Variants in SP140 observed in about 807,000 individuals in gnomAD.
SP140 encodes nuclear body protein SP140.
A neutral mutation model predicts 125.0 loss-of-function variants in SP140; 81 were observed. The observed-to-expected ratio is 0.65, with a 90% CI of 0.54 to 0.78. SP140 has a LOEUF of 0.78. SP140 is among the 30% of genes least tolerant of loss of function. The pLI is 0.00. For synonymous variants in SP140, 312 were observed against 354.0 expected, an observed-to-expected ratio of 0.88 and a Z score of 1.33; for missense variants, 858 against 1,037.0, an observed-to-expected ratio of 0.83 and a Z score of 2.37.
At chr2:230,306,527 G>A (rs547626123) in intron 22 of SP140, among the ~76,000 whole-genome samples, 2 of 152,378 alleles carry the variant, frequency 1.3e-5, no homozygotes, top group East Asian at 3.9e-4. Context: ...GCCTCCCAGT[G>A]CTCTTGGGGG....
chr2:230,257,792 C>T (rs973098273), intron 12 of SP140, among the ~76,000 whole-genome samples: 3 of 151,850 alleles, frequency 2.0e-5, no homozygotes, highest in Non-Finnish European at 4.4e-5. Context: ...AAATAAGGGG[C>T]CACCACTTAA....
chr2:230,216,937 A>G, intron 3 of SP140: 1 of 1,612,614 alleles, frequency 6.2e-7, no homozygotes. Flanking sequence ...TCCTATGGAA[A>G]GAGGCATGAT....
In SP140 at chr2:230,225,866, G is replaced by C; in HGVS notation, c.22G>C (p.Gly8Arg). Residue 8 changes from glycine to arginine, a missense_variant, in exon 1 of 27, where the codon GGG becomes CGG. By Grantham distance (125) the Gly-to-Arg change is moderately radical. Transcript: ENST00000392045. Reference protein sequence around the residue: MAQQGQQGQMASGDSNLN... With the variant: MAQQGQQRQMASGDSNLN... ...GCTCATGGCCCAGCAGGGCCAGCAG[G>C]GGCAGATGGCAAGTGGAGACAGCAA... is the stretch of plus-strand genomic sequence containing the variant. The C allele has an allele frequency of 1.9e-6, 3 of 1,614,036 alleles. No individual in the cohort carries two copies. Among genetic ancestry groups the C allele is most frequent in the Non-Finnish European group, 2.5e-6 (3 of 1,179,912 alleles).
chr2:230,295,540 C>T (rs1372909529), intron 21 of SP140, among the ~76,000 whole-genome samples: 3 of 152,170 alleles, frequency 2.0e-5, no homozygotes, highest in Non-Finnish European at 2.9e-5. Flanking sequence ...AACTTAGCAG[C>T]GACAAGGTGC....
chr2:230,205,123 A>G (rs1348969277), intron 1 of SP140, among the ~76,000 whole-genome samples: 1 of 152,212 alleles, frequency 6.6e-6, no homozygotes, highest in Admixed American at 6.5e-5. Flanking sequence ...TTAATGTAGA[A>G]AAGAAGAGGG....
At chr2:230,310,087 C>A in intron 23 of SP140, 48 bp downstream of exon 23, 1 of 1,573,296 alleles carries the variant, frequency 6.4e-7, no homozygotes, top group Non-Finnish European at 8.7e-7. Flanking sequence ...AGGGATCTTC[C>A]ACCTGCCATG....
At chr2:230,233,634 A>T (rs1452935522) in intron 1 of SP140, among the ~76,000 whole-genome samples, 1 of 152,222 alleles carries the variant, frequency 6.6e-6, no homozygotes, top group East Asian at 1.9e-4. Context: ...ATATGTATTT[A>T]TTCATTTAGA....
At chr2:230,245,782 G>A (rs56246923) in intron 6 of SP140, 81 bp from the exon 7 acceptor site, 52,630 of 905,586 alleles carry the variant, frequency 0.058, 2,398 homozygotes, top group South Asian at 0.17. Context: ...TTCTACACCC[G>A]AATATTAGAG....
intron 1 of SP140, chr2:230,209,792 T>G: frequency 1.4e-6 from 1 of 710,926 alleles, no homozygotes; most frequent in Non-Finnish European, 2.5e-6. Context: ...ATGCAGCAAA[T>G]GGAAACTGCA....
chr2:230,247,803 C>T, intron 7 of SP140, 113 bp from the exon 8 acceptor site: 1 of 1,022,040 alleles, frequency 9.8e-7, no homozygotes, highest in Non-Finnish European at 1.5e-6. Flanking sequence ...AAGGCTTAGC[C>T]CTGTGCTTGA....
intron 1 of SP140, among the ~76,000 whole-genome samples, chr2:230,229,444 CA>C (rs1356657621): frequency 7.0e-6 from 1 of 142,574 alleles, no homozygotes; most frequent in African/African-American, 2.6e-5. Context: ...TTTCCCTTTG[CA>C]TGAAGAAATT....
intron 1 of SP140, chr2:230,210,013 C>A (rs533665607): frequency 6.4e-7 from 1 of 1,573,150 alleles, no homozygotes; most frequent in African/African-American, 1.3e-5. Context: ...TTATCTCTGA[C>A]AAAAGAAATA....
At chr2:230,275,117 A>G (rs1337857435) in intron 15 of SP140, among the ~76,000 whole-genome samples, 1 of 151,712 alleles carries the variant, frequency 6.6e-6, no homozygotes, top group Non-Finnish European at 1.5e-5. Context: ...TTTTTTCCCC[A>G]TGCTTTAGGA....
the SP140 span, among the ~76,000 whole-genome samples, chr2:230,186,930 A>G: frequency 6.6e-6 from 1 of 152,188 alleles, no homozygotes; most frequent in African/African-American, 2.4e-5. Context: ...TTGGTTCCCT[A>G]TCTTTACAAT....
At chr2:230,314,327 T>A (rs1228336796), downstream of SP140, among the ~76,000 whole-genome samples, 1 of 152,188 alleles carries the variant, frequency 6.6e-6, no homozygotes, top group African/African-American at 2.4e-5. Context: ...TGAACAGTCA[T>A]GGGCAGGGCG....
intron 1 of SP140, among the ~76,000 whole-genome samples, chr2:230,204,289 C>A (rs951459086): frequency 1.3e-5 from 2 of 152,268 alleles, no homozygotes; most frequent in South Asian, 4.1e-4. Flanking sequence ...AGGGAGTGTT[C>A]ATAATTGTAT....
chr2:230,197,386 G>A, the SP140 span, among the ~76,000 whole-genome samples: 27 of 151,156 alleles, frequency 1.8e-4, no homozygotes, highest in African/African-American at 6.6e-4. Flanking sequence ...TTTTTGATGG[G>A]GTTGTTTGTT....
At chr2:230,268,636 A>C (rs2053491309) in intron 12 of SP140, among the ~76,000 whole-genome samples, 1 of 152,254 alleles carries the variant, frequency 6.6e-6, no homozygotes, top group South Asian at 2.1e-4. Flanking sequence ...GTGTACTTCC[A>C]ACTGAAAATA....
At chr2:230,248,663 T>A (rs112767877) in intron 8 of SP140, among the ~76,000 whole-genome samples, 1,982 of 152,040 alleles carry the variant, frequency 0.013, 40 homozygotes, top group African/African-American at 0.045. Flanking sequence ...GATCAGACAA[T>A]CCAAGCGCTG....
Sources: gnomAD v4.1 joint callset for allele counts (sites outside exome capture counted in the v4.1 genomes callset) on GRCh38, gnomAD v4.1.1 for gene constraint, MANE v1.5 for transcripts, NCBI Gene and HGNC (gene_info 2026-07-23, HGNC 2026-07-21) for gene names.